STC2: variants seen among roughly 807,000 people sequenced by gnomAD.
STC2 encodes the protein stanniocalcin-2.
STC2 carries 7 observed loss-of-function variants against 22.7 expected under a neutral mutation model. The ratio of observed to expected loss-of-function variants is 0.31; its 90% CI spans 0.18 to 0.58. STC2 has a LOEUF of 0.58. Ranked by LOEUF, STC2 falls within the 20% of genes least tolerant of loss-of-function variation. STC2 has a pLI of 0.89. For synonymous variants in STC2, 158 were observed against 163.4 expected (o/e 0.97, Z 0.25); for missense variants, 336 against 406.2 (o/e 0.83, Z 1.48).
rs565062899 is a variant in STC2, at chr5:173,316,926, C to T, written c.*921G>A. 1 of 152,166 alleles carries T rather than the reference C, an allele frequency of 6.6e-6. No individual in the cohort carries two copies. The highest frequency in any genetic ancestry group is 6.5e-5 in the Admixed American group (1 of 15,296). The allele number at this position is 152,166 out of a possible 1,614,324, so 9.4% of individuals were successfully genotyped here. ...CCCCCAAGTGGGCAGGAGTCCATGT[C>T]AGGCAGTCAGATGTATGGCTATGTC... On this transcript the variant is annotated 3_prime_UTR_variant, in exon 4 of 4. Transcript: ENST00000265087.
rs1482328359 is a variant in STC2 at position 173,315,786 on chromosome 5, C to T, written c.*2061G>A. Reference sequence around the variant, plus strand: ...AGAGCCTGACACACAGGTCCTCCTCCCCCCAAGGGCAGAGCTGGATTAAGT... The same window carrying T: ...AGAGCCTGACACACAGGTCCTCCTCTCCCCAAGGGCAGAGCTGGATTAAGT... On this transcript the variant is annotated 3_prime_UTR_variant, in exon 4 of 4. Transcript: ENST00000265087. 1 of 152,260 alleles carries T rather than the reference C, an allele frequency of 6.6e-6. No individual in the cohort carries two copies. The highest frequency in any genetic ancestry group is 1.5e-5 in the Non-Finnish European group (1 of 68,068). 9.4% of individuals were successfully genotyped at this position (152,260 alleles called of 1,614,324 possible).
At chr5:173,326,071 G>T (rs1294154021) in intron 1 of STC2, 61 bp from the exon 2 acceptor site, 1 of 1,551,322 alleles carries the variant, frequency 6.4e-7, no homozygotes, top group Non-Finnish European at 8.8e-7. Flanking sequence ...GCAATGCAGA[G>T]AGGTCATTTG....
rs764227728 is a variant in STC2, at chr5:173,325,905, A to T, written c.257T>A (p.Met86Lys). Residue 86 changes from methionine (M) to lysine (K), a missense_variant, in exon 2 of 4, where the codon ATG (methionine) becomes AAG (lysine). This residue lies in a region of STC2 where 99 missense variants were observed against 122.7 expected (regional missense o/e 0.81). Coordinates refer to ENST00000265087, the MANE Select transcript of STC2 (RefSeq NM_003714.3). This position sits in a 1 kb window ranked among gnomAD's most constrained non-coding sequence, Gnocchi z 4.7. ...CEIRGLHGICMTFLHNAGKFD... is the reference protein window; with the variant it reads ...CEIRGLHGICKTFLHNAGKFD... ...TTTTCCAGCGTTGTGCAGAAAAGTC[A>T]TGCAAATCCCATGTAAGCCCCGAAT... The T allele has an allele frequency of 5.0e-6, 8 of 1,614,226 alleles. No individual in the cohort carries two copies. The South Asian group carries it at 8.8e-5, about 18-fold the overall frequency.
In STC2 at chr5:173,317,017, T is replaced by A. The variant is rs199672520; in HGVS notation, c.*830A>T. 7.2e-6 allele frequency: 1 copy of A among 139,014 alleles called. No individual in the cohort carries two copies. Among genetic ancestry groups the A allele is most frequent in the Admixed American group, 7.0e-5 (1 of 14,198 alleles). 8.6% of individuals were successfully genotyped at this position (139,014 alleles called of 1,614,324 possible). On this transcript the variant is annotated 3_prime_UTR_variant, in exon 4 of 4. Coordinates refer to ENST00000265087, the MANE Select transcript of STC2 (RefSeq NM_003714.3). ...AAATCAGCCTCAAAGGATGGGCTGG[T>A]TTTTTTTTTTTAAACCCCCTTTGAG...
Position 173,327,915 on chromosome 5 carries a change from G to C in STC2, c.151+128C>G, listed in dbSNP as rs1762570627. Reference sequence around the variant, plus strand: ...CCTCGCGCTTCCCTTTGCACGTCCCGTGCCATCCCAAGAGTTTGCGTGGCC... The same window carrying C: ...CCTCGCGCTTCCCTTTGCACGTCCCCTGCCATCCCAAGAGTTTGCGTGGCC... On this transcript the variant is annotated intron_variant, in intron 1 of 3. Transcript: ENST00000265087. The C allele has an allele frequency of 3.2e-6, 4 of 1,238,542 alleles. No homozygotes were observed. The Admixed American group carries it at 9.2e-5, about 28-fold the overall frequency. The allele number at this position is 1,238,542 out of a possible 1,614,324, so 76.7% of individuals were successfully genotyped here.
rs925408569 is a variant in STC2 at position 173,316,455 on chromosome 5, A to T, written c.*1392T>A. On this transcript the variant is annotated 3_prime_UTR_variant, in exon 4 of 4. Coordinates refer to ENST00000265087, the MANE Select transcript of STC2 (RefSeq NM_003714.3). ...GGCTTTAATTTGATGGCCAATTAGG[A>T]AGAAAAGGCCTATTTAGGTGATGTT... 6.6e-6 allele frequency: 1 copy of T among 151,932 alleles called. No individual in the cohort carries two copies. Among genetic ancestry groups the T allele is most frequent in the African/African-American group, 2.4e-5 (1 of 41,354 alleles). 9.4% of individuals were successfully genotyped at this position (151,932 alleles called of 1,614,324 possible).
chr5:173,327,713 G>A (rs1762567533), intron 1 of STC2, among the ~76,000 whole-genome samples: 1 of 152,232 alleles, frequency 6.6e-6, no homozygotes. Flanking sequence ...GGGATGAAGC[G>A]CGCTTTGCAC....
Position 173,323,316 on chromosome 5 carries a change from G to T in STC2, c.409C>A (p.Arg137=). ...AGGTCGTGCTTGAGGTAGCATTCCC[G>T]CTGCAACTGGGACACCATTTCCCTG... ...AIREMVSQLQ[R]ECYLKHDLCA... Residue 137 remains arginine (R), a synonymous_variant, in exon 3 of 4, where the codon CGG becomes AGG. Transcript: ENST00000265087. This position sits in a 1 kb window ranked among gnomAD's most constrained non-coding sequence, Gnocchi z 5.4. The T allele has an allele frequency of 1.9e-6, 3 of 1,614,214 alleles. No individual in the cohort carries two copies. The highest frequency in any genetic ancestry group is 1.1e-5 in the South Asian group (1 of 91,086).
At position 173,318,075 on chromosome 5, in the gene STC2, G is replaced by C. The variant is rs750158421; in HGVS notation, c.681C>G (p.Pro227=). ...TGGAGAGCTTGGTTCTGTCCACCTG[G>C]GGCTGGCGCTCGGGGGGCGCCGTGG... ...KPPTAPPERQ[P]QVDRTKLSRA... Residue 227 remains proline, a synonymous_variant, in exon 4 of 4, where the codon CCC becomes CCG. Transcript: ENST00000265087. 1.0e-4 allele frequency: 161 copies of C among 1,608,198 alleles called. No homozygotes were observed. Among genetic ancestry groups the C allele is most frequent in the Non-Finnish European group, 1.3e-4 (151 of 1,177,966 alleles).
Position 173,316,887 on chromosome 5 carries a change from T to G in STC2, c.*960A>C, listed in dbSNP as rs1762427461. 1 of 152,178 alleles carries G rather than the reference T, an allele frequency of 6.6e-6. No homozygotes were observed. Among genetic ancestry groups the G allele is most frequent in the Non-Finnish European group, 1.5e-5 (1 of 68,032 alleles). 9.4% of individuals were successfully genotyped at this position (152,178 alleles called of 1,614,324 possible). ...TACTCCCCAGGTGTGTATTTTCCTC[T>G]GGGTATAAGGTTTCCCCCAAGTGGG... On this transcript the variant is annotated 3_prime_UTR_variant, in exon 4 of 4. Coordinates refer to ENST00000265087, the MANE Select transcript of STC2 (RefSeq NM_003714.3).
Position 173,316,264 on chromosome 5 carries a change from G to C in STC2, c.*1583C>G, listed in dbSNP as rs1762419512. ...TGGCTGCTTTTGTGCTAGGACGGCA[G>C]AGTTGAGTAGTTTCGACAGAGACCT... On this transcript the variant is annotated 3_prime_UTR_variant, in exon 4 of 4. Transcript: ENST00000265087. 6.6e-6 allele frequency: 1 copy of C among 152,188 alleles called. No individual in the cohort carries two copies. Among genetic ancestry groups the C allele is most frequent in the South Asian group, 2.1e-4 (1 of 4,828 alleles). The allele number at this position is 152,188 out of a possible 1,614,324, so 9.4% of individuals were successfully genotyped here.
In STC2 at chr5:173,316,130, A is replaced by G. The variant is rs1762418062; in HGVS notation, c.*1717T>C. 6.6e-6 allele frequency: 1 copy of G among 152,204 alleles called. No homozygotes were observed. The highest frequency in any genetic ancestry group is 2.1e-4 in the South Asian group (1 of 4,822). 9.4% of individuals were successfully genotyped at this position (152,204 alleles called of 1,614,324 possible). ...GATGCATATGCTTTTTGACCCACTC[A>G]CTAGAACAGAGATCAGTAAACTGTG... On this transcript the variant is annotated 3_prime_UTR_variant, in exon 4 of 4. Coordinates refer to ENST00000265087, the MANE Select transcript of STC2 (RefSeq NM_003714.3).
chr5:173,321,478 A>C lies in STC2; in HGVS notation c.506+1741T>G, dbSNP rs34427348. On this transcript the variant is annotated intron_variant, in intron 3 of 3. Transcript: ENST00000265087. ...GAGGCACCTGAAGGAAGGGAATTTT[A>C]GAGTGTTCTCCTTGTGTAATGGGGA... Among the ~76,000 whole-genome samples, 624 of 145,030 alleles carry C rather than the reference A, an allele frequency of 4.3e-3. 1 individual carries two copies. Among genetic ancestry groups the C allele is most frequent in the Middle Eastern group, 0.014 (4 of 282 alleles).
Position 173,326,026 on chromosome 5 carries a change from C to G in STC2, c.152-16G>C, listed in dbSNP as rs758852559. ...TGGATCTCCGCTAAAAGGAAAATCA[C>G]ATACAAATATATACAAAACTCTAAC... On this transcript the variant is annotated splice_polypyrimidine_tract_variant and intron_variant, in intron 1 of 3. Coordinates refer to ENST00000265087, the MANE Select transcript of STC2 (RefSeq NM_003714.3). 4 of 1,613,636 alleles carry G rather than the reference C, an allele frequency of 2.5e-6. No homozygotes were observed. In the African/African-American group the frequency reaches 5.3e-5, roughly 22 times the overall value.
At position 173,323,189 on chromosome 5, in the gene STC2, C is replaced by T. The variant is rs1762506142; in HGVS notation, c.506+30G>A. On this transcript the variant is annotated intron_variant, in intron 3 of 3. Transcript: ENST00000265087. This position sits in a 1 kb window ranked among gnomAD's most constrained non-coding sequence, Gnocchi z 5.4. ...TGCCATCCTTGCTGGGTGGCCCCTT[C>T]ACCCAGGCCCTCTGCGGGGCAGTAC... is the stretch of plus-strand genomic sequence containing the variant. The T allele has an allele frequency of 6.2e-7, 1 of 1,611,506 alleles. No individual in the cohort carries two copies. Among genetic ancestry groups the T allele is most frequent in the South Asian group, 1.1e-5 (1 of 90,976 alleles).
Position 173,317,552 on chromosome 5 carries a change from G to A in STC2, c.*295C>T, listed in dbSNP as rs1178605669. ...TGGTTCACCTCCCCCACAACAGAGC[G>A]GCCGACACCCACTGACTCCACAGAT... On this transcript the variant is annotated 3_prime_UTR_variant, in exon 4 of 4. Coordinates refer to ENST00000265087, the MANE Select transcript of STC2 (RefSeq NM_003714.3). The A allele has an allele frequency of 1.4e-5, 3 of 220,008 alleles. No individual in the cohort carries two copies. The highest frequency in any genetic ancestry group is 1.5e-4 in the South Asian group (1 of 6,790). 13.6% of individuals were successfully genotyped at this position (220,008 alleles called of 1,614,324 possible). A position where few individuals can be genotyped will look rare whatever the true frequency, so the allele number is the denominator to read the frequency against.
At chr5:173,322,021 C>T (rs1482359712) in intron 3 of STC2, among the ~76,000 whole-genome samples, 1 of 152,222 alleles carries the variant, frequency 6.6e-6, no homozygotes, top group Non-Finnish European at 1.5e-5. Context: ...AAGGGTGTTG[C>T]AAGATGCCTA....
chr5:173,328,064 G>A lies in STC2; in HGVS notation c.130C>T (p.Arg44Cys), dbSNP rs769870162. ...TTACCTGTATTCTGCAGGGACAGGC[G>A]GCCTTTCTGCTGGGAGCTCCTGTCT... ...PQDRSSQQKG[R>C]LSLQNTAEIQ... The change falls in exon 1 of 4, where the codon CGC (arginine) becomes TGC (cysteine). Residue 44 changes from arginine (R) to cysteine (C), a missense_variant. Around this residue, in one of 3 missense-constraint regions of STC2, gnomAD observed 99 missense variants for 122.7 expected, o/e 0.81. Coordinates refer to ENST00000265087, the MANE Select transcript of STC2 (RefSeq NM_003714.3). The A allele has an allele frequency of 1.3e-6, 2 of 1,588,346 alleles. No individual in the cohort carries two copies. Among genetic ancestry groups the A allele is most frequent in the Non-Finnish European group, 1.7e-6 (2 of 1,167,764 alleles).
In STC2 at chr5:173,315,116, C is replaced by G. The variant is rs1270652771; in HGVS notation, c.*2731G>C. On this transcript the variant is annotated 3_prime_UTR_variant, in exon 4 of 4. Coordinates refer to ENST00000265087, the MANE Select transcript of STC2 (RefSeq NM_003714.3). ...CAGATCATCTTGTTAAGATGCAGAG[C>G]TCAAAATAAACACTAAATCTTTATT... The G allele has an allele frequency of 2.0e-5, 3 of 152,136 alleles. No homozygotes were observed. Among genetic ancestry groups the G allele is most frequent in the Non-Finnish European group, 4.4e-5 (3 of 68,034 alleles). The allele number at this position is 152,136 out of a possible 1,614,324, so 9.4% of individuals were successfully genotyped here.
Sources: gnomAD v4.1 joint callset for allele counts (sites outside exome capture counted in the v4.1 genomes callset) on GRCh38, gnomAD v4.1.1 for gene constraint, gnomAD v4.1.1 regional missense constraint, Gnocchi (gnomAD v3.1) non-coding constraint, MANE v1.5 for transcripts, NCBI Gene and HGNC (gene_info 2026-07-23, HGNC 2026-07-21) for gene names.